The following VPS37A variants were observed in gnomAD, a reference collection of about 807,000 sequenced individuals.
The protein encoded by VPS37A is VPS37A subunit of ESCRT-I.
VPS37A carries 30 observed loss-of-function variants against 49.8 expected under a neutral mutation model. The ratio of observed to expected loss-of-function variants is 0.60; its 90% CI spans 0.45 to 0.82. The LOEUF (loss-of-function observed/expected upper bound fraction) is 0.82, where lower values mean the gene tolerates loss of function less well. VPS37A is among the 40% of genes least tolerant of loss of function. The probability of loss-of-function intolerance (pLI) is 0.00; values close to 1 mark genes in which losing one functional copy is unlikely to be tolerated. For missense variants in VPS37A, 593 were observed against 464.4 expected (o/e 1.28, Z -2.55); for synonymous variants, 195 against 160.6 (o/e 1.21, Z -1.62).
intron 5 of VPS37A, among the ~76,000 whole-genome samples, chr8:17,275,327 G>A (rs1187382929): frequency 1.3e-5 from 2 of 152,104 alleles, no homozygotes; most frequent in Non-Finnish European, 2.9e-5. Context: ...TAAAAATGAG[G>A]CAGCTAAACA....
At chr8:17,300,959 C>G (rs769540105), downstream of VPS37A, among the ~76,000 whole-genome samples, 1 of 152,212 alleles carries the variant, frequency 6.6e-6, no homozygotes, top group Non-Finnish European at 1.5e-5. Flanking sequence ...TACTTCATTC[C>G]TTTTTCTGGC....
chr8:17,300,013 T>C (rs548143612), downstream of VPS37A: 3 of 1,614,140 alleles, frequency 1.9e-6, no homozygotes, highest in South Asian at 2.2e-5. Context: ...ATCTGAACTT[T>C]TCAGATTGTC....
At chr8:17,292,783 C>T (rs1386343962) in intron 11 of VPS37A, among the ~76,000 whole-genome samples, 1 of 152,156 alleles carries the variant, frequency 6.6e-6, no homozygotes, top group African/African-American at 2.4e-5. Context: ...AATATTGGCC[C>T]CCATTCTCTT....
the VPS37A span, among the ~76,000 whole-genome samples, chr8:17,318,883 C>G: frequency 6.6e-6 from 1 of 152,038 alleles, no homozygotes. Flanking sequence ...GTCCTCTGCT[C>G]TTCCAGGCAC....
rs200490159 is a variant in VPS37A at position 17,286,401 on chromosome 8, C to T, written c.1168C>T (p.His390Tyr). The T allele has an allele frequency of 4.8e-5, 77 of 1,613,890 alleles. No homozygotes were observed. The East Asian group carries it at 1.5e-3, about 31-fold the overall frequency. ...GAAACTTCAGCAGGCGATAGCAATGCACAGCCAATTTCATGCTCCACTATA... is the reference window on the plus strand; with the variant it reads ...GAAACTTCAGCAGGCGATAGCAATGTACAGCCAATTTCATGCTCCACTATA... ...EEKLQQAIAMHSQFHAPL is the reference protein window; with the variant it reads ...EEKLQQAIAMYSQFHAPL Residue 390 changes from histidine (H) to tyrosine (Y), a missense_variant, in exon 11 of 12, where the codon CAC (histidine) becomes TAC (tyrosine). Coordinates refer to ENST00000324849, the MANE Select transcript of VPS37A (RefSeq NM_152415.3).
downstream of VPS37A, chr8:17,305,714 T>G: frequency 6.6e-7 from 1 of 1,522,956 alleles, no homozygotes; most frequent in Non-Finnish European, 9.0e-7. Flanking sequence ...GTCATCAAAA[T>G]CTTTAAATAA....
chr8:17,290,147 A>T (rs1248923620), intron 11 of VPS37A, among the ~76,000 whole-genome samples: 3 of 152,250 alleles, frequency 2.0e-5, no homozygotes, highest in Non-Finnish European at 4.4e-5. Flanking sequence ...ATCTGCAAAC[A>T]GAGAAAAATT....
At chr8:17,257,563 C>T (rs758603892) in intron 1 of VPS37A, among the ~76,000 whole-genome samples, 3 of 152,080 alleles carry the variant, frequency 2.0e-5, no homozygotes, top group Admixed American at 2.0e-4. Context: ...TGCAGCAAAC[C>T]ACCATGGCAC....
chr8:17,330,187 G>A, the VPS37A span, among the ~76,000 whole-genome samples: 4 of 152,194 alleles, frequency 2.6e-5, no homozygotes, highest in Non-Finnish European at 5.9e-5. Flanking sequence ...CTGATTAAAC[G>A]AAGAACGGCT....
chr8:17,265,748 T>G, intron 1 of VPS37A, 159 bp from the exon 2 acceptor site: 1 of 1,526,288 alleles, frequency 6.6e-7, no homozygotes, highest in South Asian at 1.2e-5. Flanking sequence ...TTTCTAACTA[T>G]GATCATTTTC....
chr8:17,309,395 A>C, the VPS37A span: 6 of 1,057,934 alleles, frequency 5.7e-6, no homozygotes, highest in African/African-American at 4.8e-5. Context: ...ACAACCAATA[A>C]TGTTGAGGAA....
intron 1 of VPS37A, among the ~76,000 whole-genome samples, chr8:17,250,273 A>G (rs565027524): frequency 3.9e-4 from 60 of 152,208 alleles, no homozygotes; most frequent in Non-Finnish European, 6.2e-4. Context: ...AAAGTGCAAT[A>G]TTTTGGGGTA....
chr8:17,315,169 G>T, the VPS37A span, among the ~76,000 whole-genome samples: 1 of 152,168 alleles, frequency 6.6e-6, no homozygotes, highest in Non-Finnish European at 1.5e-5. Context: ...GTGATAAAAG[G>T]AGATGAGCTA....
At chr8:17,267,715 T>A (rs897501002) in intron 2 of VPS37A, among the ~76,000 whole-genome samples, 2 of 152,250 alleles carry the variant, frequency 1.3e-5, no homozygotes, top group Non-Finnish European at 2.9e-5. Flanking sequence ...TTTTCAAAGA[T>A]GAGGTCTCAC....
chr8:17,308,862 T>G, the VPS37A span, among the ~76,000 whole-genome samples: 1 of 152,200 alleles, frequency 6.6e-6, no homozygotes. Context: ...TGGGACAAAC[T>G]GCACTCCGAT....
intron 9 of VPS37A, 79 bp from the exon 10 acceptor site, chr8:17,284,394 C>T: frequency 6.8e-7 from 1 of 1,479,852 alleles, no homozygotes; most frequent in East Asian, 2.5e-5. Context: ...CCTCTCCATA[C>T]CACTACCTTA....
chr8:17,266,112 A>T, intron 2 of VPS37A, 131 bp downstream of exon 2: 5 of 756,670 alleles, frequency 6.6e-6, no homozygotes, highest in Non-Finnish European at 1.1e-5. Flanking sequence ...ATAGTGCACA[A>T]TTCAGTGAAA....
chr8:17,330,079 T>C, the VPS37A span, among the ~76,000 whole-genome samples: 1 of 152,198 alleles, frequency 6.6e-6, no homozygotes, highest in African/African-American at 2.4e-5. Flanking sequence ...GTTCAAAGTT[T>C]CATAATGACT....
the VPS37A span, among the ~76,000 whole-genome samples, chr8:17,329,477 G>C: frequency 6.6e-6 from 1 of 152,148 alleles, no homozygotes; most frequent in Non-Finnish European, 1.5e-5. Context: ...AGTAGTGTCA[G>C]ACCACAGGCA....
Sources: allele counts gnomAD v4.1 joint callset (sites outside exome capture counted in the v4.1 genomes callset), GRCh38; gene constraint gnomAD v4.1.1; transcripts MANE v1.5; gene names NCBI Gene and HGNC (gene_info 2026-07-23, HGNC 2026-07-21).